NCAM1: variants seen among roughly 807,000 people sequenced by gnomAD.
The protein encoded by NCAM1 is antigen recognized by monoclonal antibody 5.1H11.
A neutral mutation model predicts 109.8 loss-of-function variants in NCAM1; 14 were observed. The observed-to-expected ratio is 0.13, with a 90% CI of 0.08 to 0.20. The LOEUF is 0.20. Among genes scored for constraint, NCAM1 ranks in the 10% least tolerant of loss-of-function variants. The probability of loss-of-function intolerance (pLI) is 1.00; values close to 1 mark genes in which losing one functional copy is unlikely to be tolerated. For missense variants in NCAM1, 774 were observed against 1,109.9 expected, an observed-to-expected ratio of 0.70 and a Z score of 4.30; for synonymous variants, 418 against 442.9, an observed-to-expected ratio of 0.94 and a Z score of 0.70.
intron 1 of NCAM1, among the ~76,000 whole-genome samples, chr11:113,093,891 C>T (rs1028700113): frequency 9.2e-5 from 14 of 152,244 alleles, no homozygotes; most frequent in Non-Finnish European, 1.9e-4. Flanking sequence ...GTTCTGCCTT[C>T]GCTCTGTGGT....
chr11:113,087,373 C>T (rs1939137207), intron 1 of NCAM1, among the ~76,000 whole-genome samples: 1 of 152,138 alleles, frequency 6.6e-6, no homozygotes, highest in Non-Finnish European at 1.5e-5. Flanking sequence ...AGCAAAAGAG[C>T]CTAAAGTACG....
intron 1 of NCAM1, among the ~76,000 whole-genome samples, chr11:112,971,048 G>A (rs1203814555): frequency 6.6e-6 from 1 of 152,112 alleles, no homozygotes; most frequent in Non-Finnish European, 1.5e-5. Flanking sequence ...ACCTTAACTT[G>A]TAGGTCAGTA....
At chr11:113,134,578 G>T (rs1555099027) in intron 1 of NCAM1, among the ~76,000 whole-genome samples, 1 of 152,020 alleles carries the variant, frequency 6.6e-6, no homozygotes, top group African/African-American at 2.4e-5. Flanking sequence ...GCTCCTTAAG[G>T]CTGAACACTC....
At chr11:113,243,796 C>A in intron 14 of NCAM1, 1 of 265,652 alleles carries the variant, frequency 3.8e-6, no homozygotes, top group Non-Finnish European at 7.9e-6. Context: ...AGCAGGTATG[C>A]AAAGTATAAC....
At chr11:113,095,652 G>C (rs58786875) in intron 1 of NCAM1, among the ~76,000 whole-genome samples, 1 of 152,088 alleles carries the variant, frequency 6.6e-6, no homozygotes, top group Admixed American at 6.6e-5. Flanking sequence ...CGTTTTCTGA[G>C]TTCTCATTTC....
At chr11:113,162,866 A>G (rs938951562) in intron 1 of NCAM1, among the ~76,000 whole-genome samples, 4 of 152,180 alleles carry the variant, frequency 2.6e-5, no homozygotes, top group African/African-American at 7.2e-5. Flanking sequence ...CATATTCCGC[A>G]TGGAAATTCG....
At position 113,105,399 on chromosome 11, in the gene NCAM1, G is replaced by A. The variant is rs1438689506; in HGVS notation, c.53-96980G>A. Among the ~76,000 whole-genome samples, 40 of 152,086 alleles carry A rather than the reference G, an allele frequency of 2.6e-4. 3 individuals carry two copies. ...ATAACATATTTCTTTCTTTGTCAAA[G>A]AAAGATTGTGATTTTCATAAAAAAT... On this transcript the variant is annotated intron_variant, in intron 1 of 19. Coordinates refer to ENST00000316851, the MANE Select transcript of NCAM1 (RefSeq NM_181351.5).
rs189957744 is a variant in NCAM1, at chr11:113,247,369, G to A, written c.1828+999G>A. Among the ~76,000 whole-genome samples, 10 of 152,230 alleles carry A rather than the reference G, an allele frequency of 6.6e-5. No individual in the cohort carries two copies. In the East Asian group the frequency reaches 9.7e-4, roughly 15 times the overall value. ...ACTCCAATAACCCCCTGGTGTGCCC[G>A]TGCATGCAAGGGGTCCCTGTTTGAC... On this transcript the variant is annotated intron_variant, in intron 15 of 19. Transcript: ENST00000316851.
intron 1 of NCAM1, among the ~76,000 whole-genome samples, chr11:113,171,219 A>G (rs774998167): frequency 1.3e-5 from 2 of 152,250 alleles, no homozygotes; most frequent in Non-Finnish European, 2.9e-5. Context: ...GTGCCAAAGC[A>G]TACAGCTCTT....
chr11:113,263,851 G>C, intron 17 of NCAM1: 3 of 985,522 alleles, frequency 3.0e-6, no homozygotes, highest in East Asian at 2.3e-4. Context: ...GAGAAGGAGA[G>C]GGACAGGCCA....
intron 1 of NCAM1, among the ~76,000 whole-genome samples, chr11:113,026,803 A>G (rs190199306): frequency 1.7e-4 from 26 of 152,322 alleles, no homozygotes; most frequent in Middle Eastern, 3.4e-3. Context: ...CATTATAGCC[A>G]TGCTGAGCTG....
At chr11:113,256,116 G>C (rs1945828324) in intron 16 of NCAM1, 115 bp downstream of exon 16, 1 of 1,359,378 alleles carries the variant, frequency 7.4e-7, no homozygotes, top group Admixed American at 2.5e-5. Context: ...CTTATTCTGT[G>C]TCTGGCAGGT....
intron 17 of NCAM1, chr11:113,262,758 C>A: frequency 6.9e-7 from 1 of 1,444,812 alleles, no homozygotes; most frequent in South Asian, 1.3e-5. Flanking sequence ...ACACTTGTCA[C>A]CTTGGACGTC....
At position 113,234,204 on chromosome 11, in the gene NCAM1, T is replaced by C. The variant is rs149100121; in HGVS notation, c.1694-829T>C. Among the ~76,000 whole-genome samples the C allele has an allele frequency of 3.6e-4, 54 of 150,610 alleles. No individual in the cohort carries two copies. In the East Asian group the frequency reaches 0.01, roughly 29 times the overall value. ...TTGCCTTCCTAACTTCCCTCTGAAATCTCATACCAATTTTGTGGCAGGTTG... is the reference window on the plus strand; with the variant it reads ...TTGCCTTCCTAACTTCCCTCTGAAACCTCATACCAATTTTGTGGCAGGTTG... On this transcript the variant is annotated intron_variant, in intron 13 of 19. Transcript: ENST00000316851.
chr11:113,277,613 G>A lies in NCAM1; in HGVS notation c.*2226G>A. 1 of 394,632 alleles carries A rather than the reference G, an allele frequency of 2.5e-6. No individual in the cohort carries two copies. Among genetic ancestry groups the A allele is most frequent in the Non-Finnish European group, 4.5e-6 (1 of 224,222 alleles). 24.4% of individuals were successfully genotyped at this position (394,632 alleles called of 1,614,324 possible). A position where few individuals can be genotyped will look rare whatever the true frequency, so the allele number is the denominator to read the frequency against. Reference sequence around the variant, plus strand: ...AATGTCGATGGCTTTGCCACACCAGGCCAAGCCCATGCCATACCTTGTCAA... The same window carrying A: ...AATGTCGATGGCTTTGCCACACCAGACCAAGCCCATGCCATACCTTGTCAA... On this transcript the variant is annotated 3_prime_UTR_variant, in exon 20 of 20. Transcript: ENST00000316851.
At chr11:113,167,215 A>G (rs1333032737) in intron 1 of NCAM1, among the ~76,000 whole-genome samples, 7 of 152,194 alleles carry the variant, frequency 4.6e-5, no homozygotes, top group Non-Finnish European at 1.0e-4. Context: ...CTGGCCTTCA[A>G]TTTGCCTCAT....
intron 17 of NCAM1, among the ~76,000 whole-genome samples, chr11:113,261,638 T>A (rs1421195622): frequency 6.6e-6 from 1 of 152,222 alleles, no homozygotes; most frequent in Non-Finnish European, 1.5e-5. Context: ...TTGCTTTTCC[T>A]CTGCCCCTTC....
intron 1 of NCAM1, among the ~76,000 whole-genome samples, chr11:113,087,897 T>A (rs1939160692): frequency 6.6e-6 from 1 of 152,180 alleles, no homozygotes. Flanking sequence ...GCGGCTAAGA[T>A]CGCAAGGCAT....
At chr11:113,173,352 G>T (rs908226589) in intron 1 of NCAM1, among the ~76,000 whole-genome samples, 1 of 151,818 alleles carries the variant, frequency 6.6e-6, no homozygotes, top group Non-Finnish European at 1.5e-5. Context: ...TAAACCTGGG[G>T]TCTAATTTGA....
Sources: gnomAD v4.1 joint callset for allele counts (sites outside exome capture counted in the v4.1 genomes callset) on GRCh38, gnomAD v4.1.1 for gene constraint, MANE v1.5 for transcripts, NCBI Gene and HGNC (gene_info 2026-07-23, HGNC 2026-07-21) for gene names.